The following PTPN13 variants were observed in gnomAD, a reference collection of about 807,000 sequenced individuals.
The protein encoded by PTPN13 is protein tyrosine phosphatase non-receptor type 13, also known as tyrosine-protein phosphatase non-receptor type 13.
PTPN13 carries 191 observed loss-of-function variants against 284.0 expected under a neutral mutation model. The ratio of observed to expected loss-of-function variants is 0.67; its 90% confidence interval spans 0.60 to 0.76. PTPN13 has a LOEUF of 0.76. Among genes scored for constraint, PTPN13 ranks in the 30% least tolerant of loss-of-function variants. The pLI is 0.00. For synonymous variants in PTPN13, 986 were observed against 1,022.3 expected, an observed-to-expected ratio of 0.96 and a Z score of 0.68; for missense variants, 2,797 against 2,939.9, an observed-to-expected ratio of 0.95 and a Z score of 1.12.
chr4:86,762,840 G>A lies in PTPN13; in HGVS notation c.3667G>A (p.Gly1223Ser), dbSNP rs1198510373. The A allele has an allele frequency of 2.5e-6, 4 of 1,613,728 alleles. No homozygotes were observed. Among genetic ancestry groups the A allele is most frequent in the East Asian group, 2.2e-5 (1 of 44,878 alleles). Residue 1223 changes from glycine to serine, a missense_variant, in exon 24 of 48, where the codon GGT (glycine) becomes AGT (serine). Physicochemically the swap from Gly to Ser is moderately conservative, Grantham distance 56. Coordinates refer to ENST00000411767, the MANE Select transcript of PTPN13 (RefSeq NM_080683.3). ...SSSKDHHWSR[G>S]TLRHISENSF... Reference sequence around the variant, plus strand: ...TTCCAAGGATCACCACTGGTCACGTGGTACCCTGAGGCACATCTCGGAGAA... The same window carrying A: ...TTCCAAGGATCACCACTGGTCACGTAGTACCCTGAGGCACATCTCGGAGAA...
At chr4:86,662,633 A>T (rs527273914) in intron 2 of PTPN13, among the ~76,000 whole-genome samples, 2 of 152,296 alleles carry the variant, frequency 1.3e-5, no homozygotes, top group East Asian at 3.9e-4. Flanking sequence ...CCCAGCTGTT[A>T]TATTTTTAAA....
At position 86,607,578 on chromosome 4, in the gene PTPN13, C is replaced by A. The variant is rs145669459; in HGVS notation, c.-6+12789C>A. Among the ~76,000 whole-genome samples, 412 of 152,016 alleles carry A rather than the reference C, an allele frequency of 2.7e-3. 3 individuals are homozygous for A. Among genetic ancestry groups the A allele is most frequent in the African/African-American group, 9.6e-3 (398 of 41,524 alleles). ...AGGCTTAATGAGTGGTAGTGGAGTA[C>A]ACACTTGAATCCAAGCCTGTCCTAC... On this transcript the variant is annotated intron_variant, in intron 1 of 47. Transcript: ENST00000411767.
intron 2 of PTPN13, among the ~76,000 whole-genome samples, chr4:86,659,388 A>G (rs568783072): frequency 2.1e-4 from 32 of 152,350 alleles, no homozygotes; most frequent in African/African-American, 6.7e-4. Flanking sequence ...AATACAGATG[A>G]AAAAGTAATT....
intron 2 of PTPN13, among the ~76,000 whole-genome samples, chr4:86,639,309 C>T (rs1219664121): frequency 6.6e-6 from 1 of 152,064 alleles, no homozygotes; most frequent in Non-Finnish European, 1.5e-5. Flanking sequence ...CCATTTGACC[C>T]AGCCATCCCA....
chr4:86,706,555 T>C lies in PTPN13; in HGVS notation c.1195+4754T>C, dbSNP rs142776679. On this transcript the variant is annotated intron_variant, in intron 7 of 47. Coordinates refer to ENST00000411767, the MANE Select transcript of PTPN13 (RefSeq NM_080683.3). ...GTGGTAGATAGTATTTTGGTGGGGT[T>C]CTACTATGGTCGAATCTTTAAGGCA... Among the ~76,000 whole-genome samples the C allele has an allele frequency of 5.2e-3, 789 of 152,290 alleles. 7 individuals carry two copies. The highest frequency in any genetic ancestry group is 9.6e-3 in the Non-Finnish European group (651 of 68,014).
At chr4:86,690,502 A>G (rs575011355) in intron 5 of PTPN13, among the ~76,000 whole-genome samples, 1 of 152,202 alleles carries the variant, frequency 6.6e-6, no homozygotes, top group East Asian at 1.9e-4. Flanking sequence ...GCATTTCCCA[A>G]ACTTTCTTGG....
chr4:86,793,737 C>A (rs926380861), intron 40 of PTPN13, among the ~76,000 whole-genome samples: 2 of 152,208 alleles, frequency 1.3e-5, no homozygotes, highest in Non-Finnish European at 2.9e-5. Flanking sequence ...AACTGAACAA[C>A]CTGCTCCTGA....
chr4:86,659,778 C>T (rs187796561), intron 2 of PTPN13, among the ~76,000 whole-genome samples: 235 of 151,604 alleles, frequency 1.6e-3, no homozygotes, highest in Non-Finnish European at 2.8e-3. Flanking sequence ...ATGGTGACAC[C>T]GCACTCCAGC....
intron 1 of PTPN13, among the ~76,000 whole-genome samples, chr4:86,610,550 T>C (rs1765172017): frequency 6.6e-6 from 1 of 152,242 alleles, no homozygotes; most frequent in Non-Finnish European, 1.5e-5. Context: ...AAAACTGTAG[T>C]GAACTAAAGA....
At chr4:86,715,006 G>GA (rs1009922027) in intron 7 of PTPN13, among the ~76,000 whole-genome samples, 2 of 151,588 alleles carry the variant, frequency 1.3e-5, no homozygotes, top group Non-Finnish European at 2.9e-5. Context: ...AAAGGTTAAG[G>GA]AAAAAAAAGA....
chr4:86,786,034 C>A, intron 40 of PTPN13, 98 bp downstream of exon 40: 1 of 594,856 alleles, frequency 1.7e-6, no homozygotes, highest in Non-Finnish European at 2.6e-6. Flanking sequence ...TCCTGTTTTA[C>A]TCAAAAATTA....
rs189881096 is a variant in PTPN13 at position 86,705,164 on chromosome 4, T to C, written c.1195+3363T>C. Among the ~76,000 whole-genome samples, 24 of 152,036 alleles carry C rather than the reference T, an allele frequency of 1.6e-4. No homozygotes were observed. In the East Asian group the frequency reaches 4.1e-3, roughly 26 times the overall value. The stretch of plus-strand genomic sequence containing the variant: ...TCCTGGCTAACACGGTGAAACCCCA[T>C]CTCTACTAAAAATACAAAAATTAGC... On this transcript the variant is annotated intron_variant, in intron 7 of 47. Coordinates refer to ENST00000411767, the MANE Select transcript of PTPN13 (RefSeq NM_080683.3).
rs1458624146 is a variant in PTPN13, at chr4:86,735,727, CAG to C, written c.2288_2289del (p.Glu763ValfsTer23). ...TATGTGGGAGCTTCTGAAAAAGAGACAGAGTTAGAATTTTTAAAGGTAAGCAT... is the reference window on the plus strand; with the variant it reads ...TATGTGGGAGCTTCTGAAAAAGAGACAGTTAGAATTTTTAAAGGTAAGCAT... On this transcript the variant is annotated frameshift_variant, in exon 15 of 48. Coordinates refer to ENST00000411767, the MANE Select transcript of PTPN13 (RefSeq NM_080683.3). LOFTEE classifies it high-confidence loss of function. The C allele has an allele frequency of 6.2e-7, 1 of 1,610,408 alleles. No homozygotes were observed. Among genetic ancestry groups the C allele is most frequent in the South Asian group, 1.1e-5 (1 of 89,960 alleles).
intron 15 of PTPN13, among the ~76,000 whole-genome samples, chr4:86,736,546 A>G (rs1350481515): frequency 6.6e-6 from 1 of 152,172 alleles, no homozygotes; most frequent in Non-Finnish European, 1.5e-5. Flanking sequence ...GTTCATGGAA[A>G]GAAAGAAAGG....
chr4:86,662,285 TA>T (rs1726583829), intron 2 of PTPN13, among the ~76,000 whole-genome samples: 1 of 152,232 alleles, frequency 6.6e-6, no homozygotes, highest in African/African-American at 2.4e-5. Flanking sequence ...GCTGCTTTAA[TA>T]GGGTGGTCAA....
At chr4:86,707,878 T>C (rs1251468755) in intron 7 of PTPN13, among the ~76,000 whole-genome samples, 1 of 152,200 alleles carries the variant, frequency 6.6e-6, no homozygotes, top group East Asian at 1.9e-4. Flanking sequence ...AATGACTTAA[T>C]TACTAGATTA....
At chr4:86,776,995 T>A (rs1004259930) in intron 35 of PTPN13, among the ~76,000 whole-genome samples, 1 of 152,232 alleles carries the variant, frequency 6.6e-6, no homozygotes, top group African/African-American at 2.4e-5. Context: ...CTGCTACCCA[T>A]GAGGCATAGA....
chr4:86,667,223 C>T (rs1389084151), intron 2 of PTPN13, among the ~76,000 whole-genome samples: 1 of 152,126 alleles, frequency 6.6e-6, no homozygotes, highest in African/African-American at 2.4e-5. Flanking sequence ...ACCAAAAGTT[C>T]ATAGGAGTTT....
chr4:86,674,450 T>C (rs1473373196), intron 3 of PTPN13, among the ~76,000 whole-genome samples: 1 of 152,232 alleles, frequency 6.6e-6, no homozygotes, highest in Non-Finnish European at 1.5e-5. Flanking sequence ...CATATTTTTC[T>C]TTTCAGAGAT....
Sources: gnomAD v4.1 joint callset for allele counts (sites outside exome capture counted in the v4.1 genomes callset) on GRCh38, gnomAD v4.1.1 for gene constraint, MANE v1.5 for transcripts, NCBI Gene and HGNC (gene_info 2026-07-23, HGNC 2026-07-21) for gene names.